Variants in PHACTR1 observed in about 807,000 individuals in gnomAD.
PHACTR1 encodes RPEL repeat containing 1.
PHACTR1 carries 16 observed loss-of-function variants against 69.2 expected under a neutral mutation model. The ratio of observed to expected loss-of-function variants is 0.23; its 90% CI spans 0.16 to 0.35. PHACTR1 has a LOEUF of 0.35. Among genes scored for constraint, PHACTR1 ranks in the 10% least tolerant of loss-of-function variants. PHACTR1 has a pLI of 1.00. For missense variants in PHACTR1, 510 were observed against 734.7 expected (o/e 0.69, Z 3.54); for synonymous variants, 312 against 284.5 (o/e 1.10, Z -0.97).
chr6:13,114,241 TA>T (rs1393302112), intron 5 of PHACTR1, among the ~76,000 whole-genome samples: 2 of 152,138 alleles, frequency 1.3e-5, no homozygotes, highest in East Asian at 3.9e-4. Flanking sequence ...AGAATACAGT[TA>T]TTTTTTTTTT....
chr6:12,755,144 A>G (rs1307713901), intron 4 of PHACTR1, among the ~76,000 whole-genome samples: 2 of 152,172 alleles, frequency 1.3e-5, no homozygotes, highest in African/African-American at 4.8e-5. Context: ...ACATGTAAGT[A>G]TGGTATTTAC....
At chr6:12,829,853 G>A (rs973054561) in intron 4 of PHACTR1, among the ~76,000 whole-genome samples, 2 of 151,332 alleles carry the variant, frequency 1.3e-5, no homozygotes, top group Non-Finnish European at 2.9e-5. Flanking sequence ...AGCTGCTGGG[G>A]AGGCAGAGAC....
chr6:13,176,082 G>A (rs778340342), intron 6 of PHACTR1, among the ~76,000 whole-genome samples: 6 of 152,112 alleles, frequency 3.9e-5, no homozygotes, highest in Non-Finnish European at 7.3e-5. Context: ...TGGGGAAAAC[G>A]TCTCCATGTA....
chr6:12,773,875 A>G (rs1769706644), intron 4 of PHACTR1, among the ~76,000 whole-genome samples: 3 of 152,222 alleles, frequency 2.0e-5, no homozygotes. Context: ...AGGGTAGAAC[A>G]TAGTTGTCAC....
chr6:13,115,492 A>C (rs1026767765), intron 5 of PHACTR1, among the ~76,000 whole-genome samples: 3 of 151,846 alleles, frequency 2.0e-5, no homozygotes, highest in African/African-American at 7.3e-5. Flanking sequence ...CCTTCTACCC[A>C]TGTCTTACTT....
intron 4 of PHACTR1, among the ~76,000 whole-genome samples, chr6:12,959,845 C>T (rs75269390): frequency 2.3e-4 from 35 of 152,334 alleles, no homozygotes; most frequent in Non-Finnish European, 4.7e-4. Flanking sequence ...ATGGTGCCCA[C>T]ATTTTCTATA....
chr6:12,758,980 C>T (rs1767700281), intron 4 of PHACTR1, among the ~76,000 whole-genome samples: 1 of 151,746 alleles, frequency 6.6e-6, no homozygotes, highest in African/African-American at 2.4e-5. Context: ...AAAAATTAGC[C>T]AGGCATGGTG....
intron 4 of PHACTR1, among the ~76,000 whole-genome samples, chr6:12,915,521 GA>G (rs1047244375): frequency 0.019 from 2,328 of 120,248 alleles, 47 homozygotes; most frequent in African/African-American, 0.056. Context: ...AAAAAAAAAA[GA>G]AAAAAAAAAA....
chr6:13,080,827 C>T (rs1243346191), intron 5 of PHACTR1, among the ~76,000 whole-genome samples: 1 of 152,088 alleles, frequency 6.6e-6, no homozygotes, highest in Non-Finnish European at 1.5e-5. Context: ...GCTTTCTCCA[C>T]CTAAATTTTA....
chr6:13,096,414 C>T (rs1231736117), intron 5 of PHACTR1, among the ~76,000 whole-genome samples: 3 of 152,146 alleles, frequency 2.0e-5, no homozygotes, highest in African/African-American at 4.8e-5. Context: ...GCAGCCATAG[C>T]GGGCAAAGCT....
chr6:12,829,067 A>G (rs1255302165), intron 4 of PHACTR1, among the ~76,000 whole-genome samples: 1 of 152,182 alleles, frequency 6.6e-6, no homozygotes, highest in Non-Finnish European at 1.5e-5. Context: ...CGTACCCCAT[A>G]AATGTGTGCC....
chr6:12,816,244 A>T (rs1028630245), intron 4 of PHACTR1, among the ~76,000 whole-genome samples: 3 of 152,218 alleles, frequency 2.0e-5, no homozygotes, highest in African/African-American at 7.2e-5. Context: ...TGCAAAAGAG[A>T]TGTGAACCAC....
intron 4 of PHACTR1, among the ~76,000 whole-genome samples, chr6:12,882,101 T>C (rs568019160): frequency 2.6e-5 from 4 of 152,186 alleles, no homozygotes; most frequent in African/African-American, 7.2e-5. Context: ...ACTGTGAGGA[T>C]GCACCCGAGG....
At chr6:12,749,822 C>T in intron 4 of PHACTR1, 32 bp downstream of exon 4, 1 of 1,533,088 alleles carries the variant, frequency 6.5e-7, no homozygotes, top group Non-Finnish European at 8.8e-7. Flanking sequence ...CGCCCCCGCC[C>T]CCGCCCTGCT....
At chr6:13,058,045 C>T (rs946429557) in intron 5 of PHACTR1, among the ~76,000 whole-genome samples, 6 of 152,140 alleles carry the variant, frequency 3.9e-5, no homozygotes, top group Non-Finnish European at 7.4e-5. Context: ...GTCTGCCCTC[C>T]GAGGCCCTGC....
chr6:13,133,228 C>CCCCTCT (rs1253602172), intron 5 of PHACTR1, among the ~76,000 whole-genome samples: 1 of 27,458 alleles, frequency 3.6e-5, no homozygotes, highest in African/African-American at 1.4e-4. Context: ...CCTCCCCCTC[C>CCCCTCT]CCCTCTCCCT....
rs1824043723 is a variant in PHACTR1 at position 13,149,899 on chromosome 6, T to C, written c.416-10305T>C. Among the ~76,000 whole-genome samples, 3 of 152,014 alleles carry C rather than the reference T, an allele frequency of 2.0e-5. No individual in the cohort carries two copies. The South Asian group carries it at 6.2e-4, about 32-fold the overall frequency. ...TATTTTATATGTGGCTCAAGACAATTCTTGTAATGTGACCCAGGGAAGACA... is the reference window on the plus strand; with the variant it reads ...TATTTTATATGTGGCTCAAGACAATCCTTGTAATGTGACCCAGGGAAGACA... On this transcript the variant is annotated intron_variant, in intron 5 of 14. Coordinates refer to ENST00000332995, the MANE Select transcript of PHACTR1 (RefSeq NM_030948.6).
chr6:12,779,380 A>T (rs781741677), intron 4 of PHACTR1, among the ~76,000 whole-genome samples: 7 of 152,158 alleles, frequency 4.6e-5, no homozygotes, highest in Non-Finnish European at 8.8e-5. Context: ...TTTTTCATTT[A>T]ATTTTTCAAA....
chr6:13,193,971 C>A (rs1395385736), intron 7 of PHACTR1, among the ~76,000 whole-genome samples: 1 of 152,160 alleles, frequency 6.6e-6, no homozygotes, highest in Non-Finnish European at 1.5e-5. Flanking sequence ...AGCAGCAGCA[C>A]CAGTCCATGG....
Sources: gnomAD v4.1 joint callset for allele counts (sites outside exome capture counted in the v4.1 genomes callset) on GRCh38, gnomAD v4.1.1 for gene constraint, MANE v1.5 for transcripts, NCBI Gene and HGNC (gene_info 2026-07-23, HGNC 2026-07-21) for gene names.